SIPA1L2: variants seen among roughly 807,000 people sequenced by gnomAD.
SIPA1L2 encodes signal induced proliferation associated 1 like 2.
SIPA1L2 carries 56 observed loss-of-function variants against 163.9 expected under a neutral mutation model. The observed-to-expected ratio is 0.34, with a 90% CI of 0.28 to 0.43. The LOEUF (loss-of-function observed/expected upper bound fraction) is 0.43. Ranked by LOEUF, SIPA1L2 falls within the 20% of genes least tolerant of loss-of-function variation. SIPA1L2 has a pLI of 1.00. For missense variants in SIPA1L2, 1,974 were observed against 2,193.5 expected (o/e 0.90, Z 2.00); for synonymous variants, 877 against 865.7 (o/e 1.01, Z -0.23).
At chr1:232,574,654 A>G (rs1659982424) in intron 1 of SIPA1L2, among the ~76,000 whole-genome samples, 1 of 152,226 alleles carries the variant, frequency 6.6e-6, no homozygotes, top group African/African-American at 2.4e-5. Context: ...TAATTCTAGT[A>G]TAGTAAACAT....
Position 232,493,519 on chromosome 1 carries a change from C to G in SIPA1L2, c.1617+8G>C, listed in dbSNP as rs780620727. Reference sequence around the variant, plus strand: ...TAGCCCAATAACTACGGCAAGCAGCCCCATTACCTCACTTGTCCTGAAAGC... The same window carrying G: ...TAGCCCAATAACTACGGCAAGCAGCGCCATTACCTCACTTGTCCTGAAAGC... On this transcript the variant is annotated splice_region_variant and intron_variant, in intron 4 of 22. Coordinates refer to ENST00000674635, the MANE Select transcript of SIPA1L2 (RefSeq NM_020808.5). 1 of 1,613,866 alleles carries G rather than the reference C, an allele frequency of 6.2e-7. No homozygotes were observed. Among genetic ancestry groups the G allele is most frequent in the Admixed American group, 1.7e-5 (1 of 59,996 alleles).
chr1:232,418,375 T>C (rs1015188735), intron 18 of SIPA1L2, among the ~76,000 whole-genome samples: 30 of 152,176 alleles, frequency 2.0e-4, no homozygotes, highest in African/African-American at 7.0e-4. Flanking sequence ...CAGTACTCAA[T>C]AGAGTGGTTT....
intron 8 of SIPA1L2, among the ~76,000 whole-genome samples, chr1:232,466,945 C>T (rs921326315): frequency 6.6e-6 from 1 of 152,138 alleles, no homozygotes; most frequent in African/African-American, 2.4e-5. Flanking sequence ...CCACATCTGC[C>T]CAGGCTGATG....
chr1:232,535,242 A>C (rs1412912305), intron 2 of SIPA1L2, among the ~76,000 whole-genome samples: 1 of 152,140 alleles, frequency 6.6e-6, no homozygotes, highest in African/African-American at 2.4e-5. Context: ...CATCCACAAC[A>C]TATGTTTTTT....
chr1:232,629,566 C>T (rs1447489596), intron 1 of SIPA1L2, among the ~76,000 whole-genome samples: 1 of 152,236 alleles, frequency 6.6e-6, no homozygotes, highest in Non-Finnish European at 1.5e-5. Flanking sequence ...CTGGAGAAGA[C>T]CCTCCTCAGT....
At chr1:232,629,535 T>G (rs1663262570) in intron 1 of SIPA1L2, among the ~76,000 whole-genome samples, 1 of 152,162 alleles carries the variant, frequency 6.6e-6, no homozygotes, top group Non-Finnish European at 1.5e-5. Flanking sequence ...AGAGCGTTAG[T>G]CAGAGCGAAG....
chr1:232,490,376 C>G (rs1262994806), intron 5 of SIPA1L2, among the ~76,000 whole-genome samples: 1 of 152,170 alleles, frequency 6.6e-6, no homozygotes, highest in Non-Finnish European at 1.5e-5. Context: ...TCTCCAAGAT[C>G]TCTTACCAGA....
chr1:232,515,138 TA>T lies in SIPA1L2; in HGVS notation c.201del (p.Thr68ProfsTer9). 1 of 1,613,988 alleles carries T rather than the reference TA, an allele frequency of 6.2e-7. No individual in the cohort carries two copies. The highest frequency in any genetic ancestry group is 8.5e-7 in the Non-Finnish European group (1 of 1,179,914). On this transcript the variant is annotated frameshift_variant, in exon 3 of 23. Coordinates refer to ENST00000674635, the MANE Select transcript of SIPA1L2 (RefSeq NM_020808.5). LOFTEE classifies it high-confidence loss of function. ...NETGGGGPANGTPAVPKMGVR... is the reference protein window; with the variant it reads ...NETGGGGPANXTPAVPKMGVR... ...ACACCCATCTTGGGCACAGCTGGGG[TA>T]CCATTAGCCGGACCACCACCGCCAG...
At chr1:232,572,448 T>A (rs1365913247) in intron 2 of SIPA1L2, among the ~76,000 whole-genome samples, 1 of 152,090 alleles carries the variant, frequency 6.6e-6, no homozygotes, top group Non-Finnish European at 1.5e-5. Context: ...CCAAGTCTCT[T>A]GATTCCCATT....
intron 11 of SIPA1L2, 27 bp from the exon 12 acceptor site, chr1:232,443,712 AG>A (rs1558182294): frequency 5.0e-6 from 8 of 1,592,434 alleles, no homozygotes; most frequent in Non-Finnish European, 6.9e-6. Flanking sequence ...AATCATTAAC[AG>A]GGCACTGAAC....
intron 1 of SIPA1L2, among the ~76,000 whole-genome samples, chr1:232,613,490 G>A (rs1452169180): frequency 6.6e-6 from 1 of 152,166 alleles, no homozygotes; most frequent in Non-Finnish European, 1.5e-5. Flanking sequence ...CCTTCTCCAG[G>A]TGTTAACAGC....
chr1:232,440,508 G>A (rs978565877), intron 14 of SIPA1L2, among the ~76,000 whole-genome samples: 4 of 152,136 alleles, frequency 2.6e-5, no homozygotes, highest in Non-Finnish European at 4.4e-5. Flanking sequence ...AAATAGATAC[G>A]GTGAGGCTGA....
intron 2 of SIPA1L2, among the ~76,000 whole-genome samples, chr1:232,539,191 C>T (rs995973877): frequency 6.6e-6 from 1 of 152,242 alleles, no homozygotes; most frequent in Non-Finnish European, 1.5e-5. Flanking sequence ...CTCAACTCCT[C>T]TGTCTAACCT....
At position 232,418,584 on chromosome 1, in the gene SIPA1L2, T is replaced by C. The variant is rs528761829; in HGVS notation, c.4631-2959A>G. On this transcript the variant is annotated intron_variant, in intron 18 of 22. Coordinates refer to ENST00000674635, the MANE Select transcript of SIPA1L2 (RefSeq NM_020808.5). ...TGCCTGCTACCCCCTACGCAATGCATGCAGAGACCCCACACAATGTGGCAC... is the reference window on the plus strand; with the variant it reads ...TGCCTGCTACCCCCTACGCAATGCACGCAGAGACCCCACACAATGTGGCAC... Among the ~76,000 whole-genome samples, 542 of 152,296 alleles carry C rather than the reference T, an allele frequency of 3.6e-3. 2 individuals carry two copies. Among genetic ancestry groups the C allele is most frequent in the Non-Finnish European group, 5.9e-3 (404 of 68,020 alleles).
chr1:232,465,256 T>C lies in SIPA1L2; in HGVS notation c.2404A>G (p.Thr802Ala). The change falls in exon 9 of 23, where the codon ACT (threonine) becomes GCT (alanine). Residue 802 changes from threonine to alanine, a missense_variant. Physicochemically the swap from Thr to Ala is moderately conservative, Grantham distance 58 (BLOSUM62 0). Around this residue, in one of 3 missense-constraint regions of SIPA1L2, gnomAD observed 288 missense variants for 418.9 expected, o/e 0.69. Coordinates refer to ENST00000674635, the MANE Select transcript of SIPA1L2 (RefSeq NM_020808.5). The surrounding 1 kb of genome is among the most constrained non-coding windows in gnomAD (Gnocchi z 4.1). ...HKSEKFRAMATRTRQEYLKDL... is the reference protein window; with the variant it reads ...HKSEKFRAMAARTRQEYLKDL... ...TTCAAGTACTCCTGCCTCGTTCGAG[T>C]GGCCATTGCTCGAAACTTTTCTGAT... 6.2e-7 allele frequency: 1 copy of C among 1,614,152 alleles called. No individual in the cohort carries two copies.
At chr1:232,423,892 A>G (rs888009836) in intron 18 of SIPA1L2, among the ~76,000 whole-genome samples, 1 of 152,240 alleles carries the variant, frequency 6.6e-6, no homozygotes, top group Non-Finnish European at 1.5e-5. Flanking sequence ...AAAAGGCTGC[A>G]TACTGCATGA....
intron 7 of SIPA1L2, 140 bp from the exon 8 acceptor site, chr1:232,471,668 G>T: frequency 1.3e-6 from 1 of 780,512 alleles, no homozygotes; most frequent in Non-Finnish European, 1.8e-6. Flanking sequence ...CCTAAATTTG[G>T]CATAGAAAAA....
intron 2 of SIPA1L2, among the ~76,000 whole-genome samples, chr1:232,548,032 G>C (rs963017152): frequency 6.6e-6 from 1 of 152,198 alleles, no homozygotes; most frequent in Non-Finnish European, 1.5e-5. Flanking sequence ...GTGATTCACA[G>C]TCTTCTCAAA....
chr1:232,556,725 A>T (rs904763871), intron 2 of SIPA1L2, among the ~76,000 whole-genome samples: 1 of 56,092 alleles, frequency 1.8e-5, no homozygotes, highest in African/African-American at 9.3e-5. Flanking sequence ...ACAAACAGTT[A>T]AAAAAAAAAA....
Sources: allele counts gnomAD v4.1 joint callset (sites outside exome capture counted in the v4.1 genomes callset), GRCh38; gene constraint gnomAD v4.1.1; regional missense constraint gnomAD v4.1.1; non-coding constraint Gnocchi (gnomAD v3.1); transcripts MANE v1.5; gene names NCBI Gene and HGNC (gene_info 2026-07-23, HGNC 2026-07-21).